Variants in RBFOX1 observed in about 807,000 individuals in gnomAD.
RBFOX1 encodes RNA binding protein fox-1 homolog 1.
RBFOX1 carries 8 observed loss-of-function variants against 57.7 expected under a neutral mutation model. The ratio of observed to expected loss-of-function variants is 0.14; its 90% CI spans 0.08 to 0.25. RBFOX1 has a LOEUF of 0.25. Among genes scored for constraint, RBFOX1 ranks in the 10% least tolerant of loss-of-function variants. RBFOX1 has a pLI of 1.00. For synonymous variants in RBFOX1, 326 were observed against 222.4 expected (o/e 1.47, Z -4.15); for missense variants, 611 against 548.5 (o/e 1.11, Z -1.14).
chr16:7,669,446 T>C (rs73492782), intron 13 of RBFOX1, among the ~76,000 whole-genome samples: 60 of 152,198 alleles, frequency 3.9e-4, no homozygotes, highest in African/African-American at 1.4e-3. Context: ...GGTGTGACAA[T>C]GGTAAGAGCA....
intron 4 of RBFOX1, among the ~76,000 whole-genome samples, chr16:7,058,444 G>A (rs968079747): frequency 5.3e-5 from 8 of 152,232 alleles, no homozygotes; most frequent in Admixed American, 2.0e-4. Context: ...CTGGAGCTAC[G>A]CCTACTGAGA....
intron 5 of RBFOX1, among the ~76,000 whole-genome samples, chr16:7,567,184 A>ATATCCATATATATATCCCTATATATAT (rs373288970): frequency 6.5e-5 from 5 of 76,682 alleles, no homozygotes; most frequent in Non-Finnish European, 1.0e-4. Flanking sequence ...TCCCTATATA[A>ATATCCATATATATATCCCTATATATAT]ATATCCATAT....
At chr16:7,405,468 G>T (rs1217095165) in intron 4 of RBFOX1, among the ~76,000 whole-genome samples, 1 of 152,206 alleles carries the variant, frequency 6.6e-6, no homozygotes, top group Non-Finnish European at 1.5e-5. Flanking sequence ...AGCTGCTCTG[G>T]AACACTCGGG....
intron 3 of RBFOX1, among the ~76,000 whole-genome samples, chr16:6,840,613 T>C (rs569539864): frequency 6.6e-6 from 1 of 152,022 alleles, no homozygotes; most frequent in South Asian, 2.1e-4. Flanking sequence ...TTGAGTCTGG[T>C]CACAGTGGCT....
chr16:6,014,346 A>G (rs1842150620), upstream of RBFOX1, among the ~76,000 whole-genome samples: 1 of 152,194 alleles, frequency 6.6e-6, no homozygotes, highest in Non-Finnish European at 1.5e-5. Flanking sequence ...CCCAAGTAGA[A>G]GAGGAAAAAC....
intron 3 of RBFOX1, among the ~76,000 whole-genome samples, chr16:6,878,175 C>G (rs2062193995): frequency 1.3e-5 from 2 of 152,142 alleles, no homozygotes; most frequent in African/African-American, 2.4e-5. Flanking sequence ...ACTTCCACTT[C>G]CCCAAGCAAT....
chr16:6,559,629 TACAC>T lies in RBFOX1; in HGVS notation c.-63-94966_-63-94963del, dbSNP rs5815322. 2.2e-3 allele frequency among the ~76,000 whole-genome samples: 339 copies of T among 151,930 alleles called. 1 individual carries two copies. The highest frequency in any genetic ancestry group is 6.8e-3 in the Middle Eastern group (2 of 294). ...GTATATATATACATACATACATGTA[TACAC>T]ACACACATATATGTGAATATATACC... On this transcript the variant is annotated intron_variant, in intron 2 of 15. Transcript: ENST00000550418.
chr16:6,670,526 C>G (rs563515499), intron 3 of RBFOX1, among the ~76,000 whole-genome samples: 12 of 152,230 alleles, frequency 7.9e-5, no homozygotes, highest in African/African-American at 2.6e-4. Context: ...TAACAGAAAA[C>G]ATACCCCCAA....
At chr16:7,274,089 G>A (rs1343244998) in intron 4 of RBFOX1, among the ~76,000 whole-genome samples, 2 of 152,150 alleles carry the variant, frequency 1.3e-5, no homozygotes, top group African/African-American at 4.8e-5. Context: ...TTTTCCCACT[G>A]GCTTTATGAA....
intron 1 of RBFOX1, among the ~76,000 whole-genome samples, chr16:6,192,820 C>T (rs563460974): frequency 2.0e-5 from 3 of 152,264 alleles, no homozygotes; most frequent in African/African-American, 7.2e-5. Flanking sequence ...TTTCCGTAAA[C>T]ATTGTTTATT....
chr16:6,637,723 C>G (rs1407360054), intron 2 of RBFOX1, among the ~76,000 whole-genome samples: 2 of 151,252 alleles, frequency 1.3e-5, no homozygotes, highest in African/African-American at 2.4e-5. Flanking sequence ...AGTACAGGGT[C>G]TAGAAGAATA....
At chr16:6,027,938 G>A (rs905914859) in intron 1 of RBFOX1, among the ~76,000 whole-genome samples, 1 of 152,182 alleles carries the variant, frequency 6.6e-6, no homozygotes, top group African/African-American at 2.4e-5. Context: ...CATATGCATG[G>A]GCTCTGATTG....
intron 5 of RBFOX1, chr16:7,519,797 ACATTTC>A (rs2077133987): frequency 1.2e-6 from 1 of 849,132 alleles, no homozygotes; most frequent in Non-Finnish European, 1.4e-6. Flanking sequence ...GAAGCATGAT[ACATTTC>A]CTGTGATAAA....
chr16:7,179,645 C>T (rs893532676), intron 4 of RBFOX1, among the ~76,000 whole-genome samples: 1 of 152,056 alleles, frequency 6.6e-6, no homozygotes, highest in Non-Finnish European at 1.5e-5. Flanking sequence ...GGGGGAGATT[C>T]CAACAGCAAC....
chr16:6,877,479 C>G (rs1252742689), intron 3 of RBFOX1, among the ~76,000 whole-genome samples: 1 of 152,106 alleles, frequency 6.6e-6, no homozygotes, highest in African/African-American at 2.4e-5. Context: ...TGATATCAGA[C>G]CATAAAATGC....
intron 2 of RBFOX1, among the ~76,000 whole-genome samples, chr16:6,584,838 A>G (rs531510055): frequency 4.2e-4 from 64 of 152,286 alleles, no homozygotes; most frequent in African/African-American, 1.4e-3. Flanking sequence ...CCTCCAGCCG[A>G]TGTCTCATGC....
rs2083893399 is a variant in RBFOX1, at chr16:7,710,801, T to C, written c.*56T>C. ...GGGAGAAAGGAAGCTTTCCGAGGCCTGAGTATTGCAATACATGCAGTAGTA... is the reference window on the plus strand; with the variant it reads ...GGGAGAAAGGAAGCTTTCCGAGGCCCGAGTATTGCAATACATGCAGTAGTA... On this transcript the variant is annotated 3_prime_UTR_variant, in exon 16 of 16. Coordinates refer to ENST00000550418, the MANE Select transcript of RBFOX1 (RefSeq NM_018723.4). 2.1e-6 allele frequency: 3 copies of C among 1,427,434 alleles called. No individual in the cohort carries two copies. The highest frequency in any genetic ancestry group is 1.8e-4 in the Middle Eastern group (1 of 5,538). The allele number at this position is 1,427,434 out of a possible 1,614,324, so 88.4% of individuals were successfully genotyped here.
intron 3 of RBFOX1, among the ~76,000 whole-genome samples, chr16:5,791,492 A>G (rs560637929): frequency 2.0e-5 from 3 of 152,256 alleles, no homozygotes; most frequent in East Asian, 1.9e-4. Flanking sequence ...GTAATGGTCT[A>G]TCGTGTTCAT....
chr16:6,229,681 T>G (rs2097443969), intron 1 of RBFOX1, among the ~76,000 whole-genome samples: 1 of 151,726 alleles, frequency 6.6e-6, no homozygotes, highest in Non-Finnish European at 1.5e-5. Context: ...ATGTAAATAT[T>G]GGTTTCCTTC....
Sources: gnomAD v4.1 joint callset for allele counts (sites outside exome capture counted in the v4.1 genomes callset) on GRCh38, gnomAD v4.1.1 for gene constraint, MANE v1.5 for transcripts, NCBI Gene and HGNC (gene_info 2026-07-23, HGNC 2026-07-21) for gene names.